The following PDE3A variants were observed in gnomAD, a reference collection of about 807,000 sequenced individuals.
PDE3A encodes the protein phosphodiesterase 3A.
Under a neutral mutation model 98.3 loss-of-function variants are expected in PDE3A, and 43 were observed. The observed-to-expected ratio is 0.44, with a 90% CI of 0.34 to 0.56. PDE3A has a LOEUF of 0.56. Among genes scored for constraint, PDE3A ranks in the 20% least tolerant of loss-of-function variants. The pLI is 0.01. For missense variants in PDE3A, 1,427 were observed against 1,440.7 expected, an observed-to-expected ratio of 0.99 and a Z score of 0.15; for synonymous variants, 663 against 567.9, an observed-to-expected ratio of 1.17 and a Z score of -2.38.
rs559928725 is a variant in PDE3A, at chr12:20,670,680, C to G, written c.3185-9350C>G. 1.8e-4 allele frequency among the ~76,000 whole-genome samples: 27 copies of G among 146,416 alleles called. No homozygotes were observed. In the South Asian group the frequency reaches 5.4e-3, roughly 29 times the overall value. On this transcript the variant is annotated intron_variant, in intron 15 of 15. Transcript: ENST00000359062. ...ACAAAGACACAACATACCAGAATCT[C>G]TGGGACGCATTCAAAGCAGTGTGTA...
chr12:20,547,926 ACTT>A (rs1362593633), intron 1 of PDE3A, among the ~76,000 whole-genome samples: 2 of 152,016 alleles, frequency 1.3e-5, no homozygotes, highest in East Asian at 3.9e-4. Context: ...TTCCATGCTG[ACTT>A]CTTCTTTGCT....
intron 1 of PDE3A, among the ~76,000 whole-genome samples, chr12:20,450,732 C>T (rs1263607661): frequency 6.6e-6 from 1 of 152,314 alleles, no homozygotes; most frequent in Non-Finnish European, 1.5e-5. Context: ...CCTGGTATAT[C>T]AAATACGCTG....
intron 1 of PDE3A, among the ~76,000 whole-genome samples, chr12:20,472,977 A>G (rs969339079): frequency 1.3e-5 from 2 of 152,200 alleles, no homozygotes; most frequent in African/African-American, 4.8e-5. Flanking sequence ...GATACTCAAT[A>G]TATACATATT....
chr12:20,396,939 T>C (rs893982513), intron 1 of PDE3A, among the ~76,000 whole-genome samples: 3 of 152,082 alleles, frequency 2.0e-5, no homozygotes, highest in African/African-American at 7.2e-5. Context: ...AAATCCCTGC[T>C]CTGCCATGTA....
rs183320498 is a variant in PDE3A at position 20,594,669 on chromosome 12, G to A, written c.1012-18774G>A. 6.4e-3 allele frequency among the ~76,000 whole-genome samples: 974 copies of A among 151,934 alleles called. 8 individuals are homozygous for A. The highest frequency in any genetic ancestry group is 0.023 in the African/African-American group (947 of 41,430). On this transcript the variant is annotated intron_variant, in intron 2 of 15. Transcript: ENST00000359062. ...GTGCCTTTCTATAAGAATATTAAAT[G>A]AGTAGCATTTTGATTATTAATTTGC...
At chr12:20,483,991 TC>T (rs1945677931) in intron 1 of PDE3A, among the ~76,000 whole-genome samples, 1 of 152,348 alleles carries the variant, frequency 6.6e-6, no homozygotes, top group African/African-American at 2.4e-5. Context: ...GTTCCTTTAC[TC>T]CTCCCATATC....
At chr12:20,590,965 A>T (rs1488172422) in intron 2 of PDE3A, among the ~76,000 whole-genome samples, 1 of 152,200 alleles carries the variant, frequency 6.6e-6, no homozygotes, top group Non-Finnish European at 1.5e-5. Context: ...TCGAAAGTGC[A>T]GAGCACTTGT....
intron 1 of PDE3A, among the ~76,000 whole-genome samples, chr12:20,453,619 A>T (rs1280861873): frequency 6.6e-6 from 1 of 152,220 alleles, no homozygotes; most frequent in African/African-American, 2.4e-5. Context: ...TAAAGGAGCC[A>T]GAGAGGAAAA....
intron 4 of PDE3A, among the ~76,000 whole-genome samples, chr12:20,618,056 C>T (rs373950517): frequency 1.2e-4 from 18 of 152,186 alleles, no homozygotes; most frequent in African/African-American, 4.1e-4. Context: ...TGAAAATACT[C>T]GTAGATGTCT....
Position 20,580,824 on chromosome 12 carries a change from A to C in PDE3A, c.1011+24114A>C, listed in dbSNP as rs61912117. ...ACACTCGCATGTTGCTGTCCTAACAAACACGCAAATATGCAAGCGTTTCCT... is the reference window on the plus strand; with the variant it reads ...ACACTCGCATGTTGCTGTCCTAACACACACGCAAATATGCAAGCGTTTCCT... On this transcript the variant is annotated intron_variant, in intron 2 of 15. Coordinates refer to ENST00000359062, the MANE Select transcript of PDE3A (RefSeq NM_000921.5). Among the ~76,000 whole-genome samples, 418 of 152,334 alleles carry C rather than the reference A, an allele frequency of 2.7e-3. 8 individuals carry two copies. Among genetic ancestry groups the C allele is most frequent in the Non-Finnish European group, 3.1e-3 (209 of 68,034 alleles).
chr12:20,634,910 G>A lies in PDE3A; in HGVS notation c.1855G>A (p.Ala619Thr), dbSNP rs549392891. Reference protein sequence around the residue: ...TRTPSRTDDTAQVTSDYETNN... With the variant: ...TRTPSRTDDTTQVTSDYETNN... ...TTCTCTTTTAATTGTAGATGACACT[G>A]CTCAAGTTACCTCTGATTATGAAAC... The change falls in exon 8 of 16, where the codon GCT (alanine) becomes ACT (threonine). Residue 619 changes from alanine to threonine, a missense_variant. By Grantham distance (58) the Ala-to-Thr change is moderately conservative. Transcript: ENST00000359062. 3 of 1,608,216 alleles carry A rather than the reference G, an allele frequency of 1.9e-6. No individual in the cohort carries two copies. Among genetic ancestry groups the A allele is most frequent in the South Asian group, 1.1e-5 (1 of 90,972 alleles).
intron 1 of PDE3A, among the ~76,000 whole-genome samples, chr12:20,450,244 C>T (rs1337001270): frequency 6.6e-6 from 1 of 152,096 alleles, no homozygotes; most frequent in Non-Finnish European, 1.5e-5. Context: ...TCTAGTTTCT[C>T]AAAATTGTGA....
At chr12:20,443,919 T>C (rs998389394) in intron 1 of PDE3A, among the ~76,000 whole-genome samples, 1 of 152,130 alleles carries the variant, frequency 6.6e-6, no homozygotes, top group Admixed American at 6.5e-5. Context: ...TTGTGCTAGG[T>C]TTATCTCCAT....
At chr12:20,465,747 C>T (rs1945331617) in intron 1 of PDE3A, among the ~76,000 whole-genome samples, 2 of 152,138 alleles carry the variant, frequency 1.3e-5, no homozygotes, top group Admixed American at 6.5e-5. Context: ...GTAGCATGTC[C>T]TAAATAAAAT....
chr12:20,588,419 A>G (rs1015944393), intron 2 of PDE3A, among the ~76,000 whole-genome samples: 7 of 152,160 alleles, frequency 4.6e-5, no homozygotes, highest in Admixed American at 2.0e-4. Flanking sequence ...AGAGGACCAT[A>G]AACTACTCAG....
rs541571905 is a variant in PDE3A, at chr12:20,615,851, G to A, written c.1270-379G>A. Reference sequence around the variant, plus strand: ...AGTGACTCTCCTGCCTCAGCCTCCCGAGCAACTGAGATTACAGGCACCCAC... The same window carrying A: ...AGTGACTCTCCTGCCTCAGCCTCCCAAGCAACTGAGATTACAGGCACCCAC... On this transcript the variant is annotated intron_variant, in intron 3 of 15. Transcript: ENST00000359062. Among the ~76,000 whole-genome samples, 518 of 151,956 alleles carry A rather than the reference G, an allele frequency of 3.4e-3. 5 individuals are homozygous for A. The highest frequency in any genetic ancestry group is 0.014 in the Middle Eastern group (4 of 294).
In PDE3A at chr12:20,646,877, T is replaced by C; in HGVS notation, c.2492T>C (p.Val831Ala). The change falls in exon 12 of 16, where the codon GTG becomes GCG. Residue 831 changes from valine (V) to alanine (A), a missense_variant. Physicochemically the swap from Val to Ala is moderately conservative, Grantham distance 64. Transcript: ENST00000359062. ...GCCTTGGAGTTGATGGCGCTGTATG[T>C]GGCTGCAGCCATGCACGATTATGAT... The part of the protein sequence containing the change: ...IPALELMALY[V>A]AAAMHDYDHP... 1 of 1,614,004 alleles carries C rather than the reference T, an allele frequency of 6.2e-7. No homozygotes were observed. Among genetic ancestry groups the C allele is most frequent in the Non-Finnish European group, 8.5e-7 (1 of 1,179,848 alleles).
intron 1 of PDE3A, among the ~76,000 whole-genome samples, chr12:20,488,380 A>T (rs1945768392): frequency 6.6e-6 from 1 of 152,202 alleles, no homozygotes; most frequent in African/African-American, 2.4e-5. Flanking sequence ...ATTTTTAAGG[A>T]TTCCATTTAA....
At chr12:20,563,321 G>A (rs1459276425) in intron 2 of PDE3A, among the ~76,000 whole-genome samples, 1 of 152,094 alleles carries the variant, frequency 6.6e-6, no homozygotes, top group African/African-American at 2.4e-5. Context: ...TATTTATCTG[G>A]AGTAATGCCA....
Sources: gnomAD v4.1 joint callset for allele counts (sites outside exome capture counted in the v4.1 genomes callset) on GRCh38, gnomAD v4.1.1 for gene constraint, MANE v1.5 for transcripts, NCBI Gene and HGNC (gene_info 2026-07-23, HGNC 2026-07-21) for gene names.